The following PTPRM variants were observed in gnomAD, a reference collection of about 807,000 sequenced individuals.
PTPRM encodes the protein receptor-type tyrosine-protein phosphatase mu.
In PTPRM, 47 loss-of-function variants were observed where a neutral mutation model predicts 186.7. The observed-to-expected ratio is 0.25, with a 90% CI of 0.20 to 0.32. The LOEUF is 0.32. Among genes scored for constraint, PTPRM ranks in the 10% least tolerant of loss-of-function variants. PTPRM has a pLI of 1.00. For missense variants in PTPRM, 1,494 were observed against 1,865.0 expected (o/e 0.80, Z 3.66); for synonymous variants, 668 against 674.9 (o/e 0.99, Z 0.16).
At chr18:8,285,385 C>T (rs868336049) in intron 19 of PTPRM, among the ~76,000 whole-genome samples, 6 of 152,266 alleles carry the variant, frequency 3.9e-5, no homozygotes, top group Middle Eastern at 3.4e-3. Flanking sequence ...CAAGGTGAGA[C>T]AGTGAATTCA....
chr18:8,221,189 A>G (rs894374682), intron 14 of PTPRM, among the ~76,000 whole-genome samples: 5 of 152,164 alleles, frequency 3.3e-5, no homozygotes, highest in African/African-American at 1.2e-4. Flanking sequence ...GAAAAGCATT[A>G]TCCAAATTAT....
rs773574506 is a variant in PTPRM, at chr18:8,376,150, A to G, written c.3276A>G (p.Gln1092=). The change falls in exon 25 of 33, where the codon CAA becomes CAG. Residue 1092 remains glutamine (Q), a synonymous_variant. Transcript: ENST00000580170. ...HATGLLGFVR[Q]VKSKSPPSAG... ...CCGGCCTGCTGGGATTCGTGCGGCA[A>G]GTCAAGTCCAAGAGCCCGCCCAGTG... 13 of 1,613,936 alleles carry G rather than the reference A, an allele frequency of 8.1e-6. No homozygotes were observed. Among genetic ancestry groups the G allele is most frequent in the Non-Finnish European group, 1.0e-5 (12 of 1,180,012 alleles).
chr18:7,919,020 GT>G (rs372788315), intron 4 of PTPRM, among the ~76,000 whole-genome samples: 4 of 152,260 alleles, frequency 2.6e-5, no homozygotes, highest in African/African-American at 9.6e-5. Context: ...TTGTTCTCCT[GT>G]TTTCCCAGCA....
intron 14 of PTPRM, among the ~76,000 whole-genome samples, chr18:8,215,918 C>T (rs1325577883): frequency 2.0e-5 from 3 of 152,070 alleles, no homozygotes; most frequent in African/African-American, 7.2e-5. Flanking sequence ...TTGGAATAAC[C>T]ATCATTTAAC....
chr18:7,765,339 G>A (rs1427960393), intron 1 of PTPRM, among the ~76,000 whole-genome samples: 1 of 152,132 alleles, frequency 6.6e-6, no homozygotes, highest in Non-Finnish European at 1.5e-5. Flanking sequence ...CCATTTAAAT[G>A]CCTGTGTAAT....
chr18:7,808,717 A>G (rs925809775), intron 2 of PTPRM, among the ~76,000 whole-genome samples: 2 of 152,228 alleles, frequency 1.3e-5, no homozygotes, highest in African/African-American at 4.8e-5. Flanking sequence ...TCTTGAGGAA[A>G]GTTTTTGATG....
At chr18:7,810,302 C>T (rs616236) in intron 2 of PTPRM, among the ~76,000 whole-genome samples, 2,232 of 152,226 alleles carry the variant, frequency 0.015, 56 homozygotes, top group African/African-American at 0.051. Flanking sequence ...CCCCTGGTAG[C>T]GTTTTAATCT....
Position 7,568,509 on chromosome 18 carries a change from C to T in PTPRM, c.73+618C>T, listed in dbSNP as rs978243173. On this transcript the variant is annotated intron_variant, in intron 1 of 32. Transcript: ENST00000580170. The surrounding 1 kb of genome is among the most constrained non-coding windows in gnomAD (Gnocchi z 5.1). ...GCTGGGGGGAGTTCCTCGCCGGTCC[C>T]AGCGGTAGGGCTTGGCGGCCGCGGA... Among the ~76,000 whole-genome samples, 1 of 152,106 alleles carries T rather than the reference C, an allele frequency of 6.6e-6. No homozygotes were observed. Among genetic ancestry groups the T allele is most frequent in the African/African-American group, 2.4e-5 (1 of 41,460 alleles).
At chr18:8,014,949 G>A (rs933503584) in intron 7 of PTPRM, among the ~76,000 whole-genome samples, 12 of 151,972 alleles carry the variant, frequency 7.9e-5, no homozygotes, top group African/African-American at 2.9e-4. Flanking sequence ...GAAAATGGTT[G>A]TTCATCTCTG....
chr18:7,930,736 A>T (rs866392949), intron 5 of PTPRM, among the ~76,000 whole-genome samples: 1 of 152,192 alleles, frequency 6.6e-6, no homozygotes. Flanking sequence ...TATGTATTAC[A>T]TGTCATATTG....
At chr18:7,917,316 G>A (rs926968890) in intron 4 of PTPRM, among the ~76,000 whole-genome samples, 2 of 152,158 alleles carry the variant, frequency 1.3e-5, no homozygotes, top group South Asian at 2.1e-4. Context: ...GGCGGATCAC[G>A]AGGTCAGGAG....
chr18:8,150,449 C>T (rs561147417), intron 14 of PTPRM, among the ~76,000 whole-genome samples: 4 of 152,046 alleles, frequency 2.6e-5, no homozygotes, highest in Admixed American at 1.3e-4. Context: ...GCTATTGATA[C>T]TTGTGTATGC....
chr18:8,301,599 C>G (rs1357201208), intron 20 of PTPRM, among the ~76,000 whole-genome samples: 1 of 152,232 alleles, frequency 6.6e-6, no homozygotes, highest in African/African-American at 2.4e-5. Flanking sequence ...GTGCCAGGCA[C>G]TGTGCCAAAC....
At chr18:7,830,933 T>C (rs539357755) in intron 2 of PTPRM, among the ~76,000 whole-genome samples, 94 of 152,302 alleles carry the variant, frequency 6.2e-4, no homozygotes, top group African/African-American at 2.1e-3. Flanking sequence ...TTGTTTTTGG[T>C]GTAGGATATG....
Position 8,206,095 on chromosome 18 carries a change from C to G in PTPRM, c.2301-37963C>G, listed in dbSNP as rs2093923960. On this transcript the variant is annotated intron_variant, in intron 14 of 32. Coordinates refer to ENST00000580170, the MANE Select transcript of PTPRM (RefSeq NM_001105244.2). ...TGGAGTTGAGCGAAAAGAGAGGTTACTATGAACCAAAAGAGAAGATGCATG... is the reference window on the plus strand; with the variant it reads ...TGGAGTTGAGCGAAAAGAGAGGTTAGTATGAACCAAAAGAGAAGATGCATG... Among the ~76,000 whole-genome samples, 4 of 151,830 alleles carry G rather than the reference C, an allele frequency of 2.6e-5. No homozygotes were observed. The South Asian group carries it at 8.3e-4, about 32-fold the overall frequency.
At chr18:8,208,530 T>TA (rs34566130) in intron 14 of PTPRM, among the ~76,000 whole-genome samples, 30 of 151,666 alleles carry the variant, frequency 2.0e-4, no homozygotes, top group African/African-American at 7.0e-4. Context: ...TTTTTTTTTT[T>TA]AAACAGGGTC....
At chr18:8,302,556 G>A (rs143986829) in intron 20 of PTPRM, among the ~76,000 whole-genome samples, 8 of 152,272 alleles carry the variant, frequency 5.3e-5, no homozygotes, top group Non-Finnish European at 8.8e-5. Context: ...AAGTAGGTTC[G>A]AAAGGGACAG....
intron 2 of PTPRM, among the ~76,000 whole-genome samples, chr18:7,844,537 C>G (rs1182161408): frequency 1.3e-5 from 2 of 152,100 alleles, no homozygotes; most frequent in Non-Finnish European, 2.9e-5. Flanking sequence ...GCCTCCTGTT[C>G]AGGAAGGGTG....
intron 14 of PTPRM, among the ~76,000 whole-genome samples, chr18:8,165,379 A>G (rs1239110926): frequency 6.6e-6 from 1 of 152,156 alleles, no homozygotes; most frequent in Non-Finnish European, 1.5e-5. Context: ...GTTACTGTCC[A>G]GCCGATAGCA....
Sources: allele counts gnomAD v4.1 joint callset (sites outside exome capture counted in the v4.1 genomes callset), GRCh38; gene constraint gnomAD v4.1.1; non-coding constraint Gnocchi (gnomAD v3.1); transcripts MANE v1.5; gene names NCBI Gene and HGNC (gene_info 2026-07-23, HGNC 2026-07-21).